Variants in ABHD3 observed in about 807,000 individuals in gnomAD.
The protein encoded by ABHD3 is abhydrolase domain containing 3, phospholipase, also known as phospholipase ABHD3.
In ABHD3, 46 loss-of-function variants were observed where a neutral mutation model predicts 48.8. The observed-to-expected ratio is 0.94, with a 90% confidence interval of 0.74 to 1.20. The LOEUF is 1.20. Among genes scored for constraint, ABHD3 ranks in the 50% most tolerant of loss-of-function variants. The pLI is 0.00. For missense variants in ABHD3, 490 were observed against 497.8 expected, an observed-to-expected ratio of 0.98 and a Z score of 0.15; for synonymous variants, 192 against 183.7, an observed-to-expected ratio of 1.04 and a Z score of -0.36.
chr18:21,704,526 T>A lies in ABHD3; in HGVS notation c.140A>T (p.Tyr47Phe). ...CACCTTGGCAATGCTGCTCAGGTAGTAGAAGGCATAAGCGACGCTGAAGCC... is the reference window on the plus strand; with the variant it reads ...CACCTTGGCAATGCTGCTCAGGTAGAAGAAGGCATAAGCGACGCTGAAGCC... ...ILGFSVAYAFYYLSSIAKKPQ... is the reference protein window; with the variant it reads ...ILGFSVAYAFFYLSSIAKKPQ... Residue 47 changes from tyrosine (Y) to phenylalanine (F), a missense_variant, in exon 1 of 9, where the codon TAC becomes TTC. Transcript: ENST00000289119. 1 of 1,499,402 alleles carries A rather than the reference T, an allele frequency of 6.7e-7. No individual in the cohort carries two copies. The highest frequency in any genetic ancestry group is 8.9e-7 in the Non-Finnish European group (1 of 1,122,680). 92.9% of individuals were successfully genotyped at this position (1,499,402 alleles called of 1,614,324 possible). A position where few individuals can be genotyped will look rare whatever the true frequency, so the allele number is the denominator to read the frequency against.
rs1598545674 is a variant in ABHD3 at position 21,683,974 on chromosome 18, C to G, written c.510-9G>C. On this transcript the variant is annotated splice_polypyrimidine_tract_variant and intron_variant, in intron 3 of 8. Coordinates refer to ENST00000289119, the MANE Select transcript of ABHD3 (RefSeq NM_138340.5). ...TGTTAAAAACCACACATCTAAAAAC[C>G]AGGAAAGCAATTTTTGTTATTTTTA... 1.9e-6 allele frequency: 3 copies of G among 1,591,646 alleles called. No homozygotes were observed. The highest frequency in any genetic ancestry group is 2.3e-5 in the East Asian group (1 of 44,090).
chr18:21,701,595 TCA>T (rs1162450601), intron 3 of ABHD3: 1 of 151,778 alleles, frequency 6.6e-6, no homozygotes, highest in Non-Finnish European at 1.5e-5. Context: ...TAAATACAAC[TCA>T]CAGAGTGTTC....
intron 3 of ABHD3, among the ~76,000 whole-genome samples, chr18:21,692,203 G>A (rs1006736318): frequency 6.6e-6 from 1 of 152,166 alleles, no homozygotes; most frequent in Non-Finnish European, 1.5e-5. Flanking sequence ...ACCTGCCTCA[G>A]CCTCCCAAAG....
At chr18:21,690,126 A>ATTTT (rs2040214731) in intron 3 of ABHD3, among the ~76,000 whole-genome samples, 10 of 152,184 alleles carry the variant, frequency 6.6e-5, no homozygotes, top group African/African-American at 2.4e-4. Context: ...AGAATTTAAA[A>ATTTT]AAAAAAAAGA....
chr18:21,651,820 T>C (rs528421104), intron 8 of ABHD3, 57 bp from the exon 9 acceptor site: 9 of 1,452,496 alleles, frequency 6.2e-6, no homozygotes, highest in South Asian at 1.4e-5. Context: ...AAAAATATAA[T>C]CATTATGTTT....
At chr18:21,669,170 T>G (rs1170769922) in intron 4 of ABHD3, among the ~76,000 whole-genome samples, 1 of 152,164 alleles carries the variant, frequency 6.6e-6, no homozygotes, top group African/African-American at 2.4e-5. Flanking sequence ...ATCATGACAC[T>G]GCACTCCAGC....
In ABHD3 at chr18:21,659,273, C is replaced by G; in HGVS notation, c.739G>C (p.Val247Leu). ...TPLMAAATFS[V>L]GWNTFACSES... ...GAGCAAGCGAAGGTGTTCCAACCAA[C>G]GGAAAAAGTTGCAGCTGCCATCAAA... The change falls in exon 6 of 9, where the codon GTT (valine) becomes CTT (leucine). Residue 247 changes from valine to leucine, a missense_variant. By Grantham distance (32) the Val-to-Leu change is conservative. Coordinates refer to ENST00000289119, the MANE Select transcript of ABHD3 (RefSeq NM_138340.5). The G allele has an allele frequency of 6.2e-7, 1 of 1,613,600 alleles. No homozygotes were observed.
intron 4 of ABHD3, chr18:21,673,594 GTTTT>G (rs1457559383): frequency 6.6e-6 from 1 of 151,520 alleles, no homozygotes; most frequent in Non-Finnish European, 1.5e-5. Flanking sequence ...GCGCCCAGCT[GTTTT>G]TTGTTTTGTT....
chr18:21,683,527 G>T (rs780469988), intron 4 of ABHD3: 5 of 513,350 alleles, frequency 9.7e-6, no homozygotes, highest in East Asian at 1.2e-4. Flanking sequence ...TAAAAATGAG[G>T]CCTTCTCTTC....
intron 3 of ABHD3, among the ~76,000 whole-genome samples, chr18:21,686,253 G>C (rs1208309577): frequency 6.6e-6 from 1 of 152,198 alleles, no homozygotes; most frequent in Non-Finnish European, 1.5e-5. Context: ...ATATAAATAA[G>C]ATTTCAGTTG....
At chr18:21,673,101 C>T (rs1325352025) in intron 4 of ABHD3, among the ~76,000 whole-genome samples, 2 of 152,174 alleles carry the variant, frequency 1.3e-5, no homozygotes, top group Non-Finnish European at 2.9e-5. Context: ...TCAGTCCAGG[C>T]TCCTAAGAGG....
At chr18:21,662,482 G>A (rs1568140193) in intron 5 of ABHD3, 1 of 152,248 alleles carries the variant, frequency 6.6e-6, no homozygotes, top group Non-Finnish European at 1.5e-5. Context: ...GGGAGAGAGA[G>A]GGGAGGGGGT....
intron 1 of ABHD3, 102 bp from the exon 2 acceptor site, chr18:21,703,849 C>G: frequency 7.6e-7 from 1 of 1,316,920 alleles, no homozygotes; most frequent in Non-Finnish European, 1.1e-6. Context: ...GCGCTTCCTC[C>G]GATTACAACT....
chr18:21,678,009 GCAA>G (rs2039926267), intron 4 of ABHD3, among the ~76,000 whole-genome samples: 1 of 151,732 alleles, frequency 6.6e-6, no homozygotes, highest in Non-Finnish European at 1.5e-5. Flanking sequence ...AAGCTGGAGT[GCAA>G]TGGCACAAAC....
At chr18:21,703,771 G>C in intron 1 of ABHD3, 24 bp from the exon 2 acceptor site, 1 of 1,608,206 alleles carries the variant, frequency 6.2e-7, no homozygotes, top group Non-Finnish European at 8.5e-7. Flanking sequence ...CAGTATCAGA[G>C]AAGGGCCCAG....
chr18:21,674,422 A>AT (rs1262336269), intron 4 of ABHD3, among the ~76,000 whole-genome samples: 2 of 151,362 alleles, frequency 1.3e-5, no homozygotes, highest in Non-Finnish European at 2.9e-5. Context: ...TAATTTTTAA[A>AT]TTTTTTGTAG....
chr18:21,703,678 C>G lies in ABHD3; in HGVS notation c.232G>C (p.Glu78Gln). The G allele has an allele frequency of 1.2e-6, 2 of 1,614,090 alleles. No individual in the cohort carries two copies. Among genetic ancestry groups the G allele is most frequent in the South Asian group, 1.1e-5 (1 of 91,084 alleles). Residue 78 changes from glutamate to glutamine, a missense_variant, in exon 2 of 9, where the codon GAA becomes CAA. Glu to Gln is a conservative substitution (Grantham distance 29). Transcript: ENST00000289119. The part of the protein sequence containing the change: ...FLQDHCPVVT[E>Q]TYYPTVWCWE... ...CACCAGACCGTCGGGTAGTACGTTT[C>G]TGTAACCACGGGACAGTGGTCTTGA...
chr18:21,698,766 A>C (rs1484271389), intron 3 of ABHD3, among the ~76,000 whole-genome samples: 1 of 151,566 alleles, frequency 6.6e-6, no homozygotes, highest in Non-Finnish European at 1.5e-5. Flanking sequence ...TTTTTAGTGT[A>C]GATGGGGTTT....
intron 3 of ABHD3, among the ~76,000 whole-genome samples, chr18:21,695,085 T>C (rs976825940): frequency 6.6e-6 from 1 of 151,978 alleles, no homozygotes; most frequent in Admixed American, 6.6e-5. Flanking sequence ...CAGGCTGGAG[T>C]GCAATGGAGC....
Sources: allele counts gnomAD v4.1 joint callset (sites outside exome capture counted in the v4.1 genomes callset), GRCh38; gene constraint gnomAD v4.1.1; transcripts MANE v1.5; gene names NCBI Gene and HGNC (gene_info 2026-07-23, HGNC 2026-07-21).